ACVR1C: variants seen among roughly 807,000 people sequenced by gnomAD.
ACVR1C encodes the protein activin A receptor type 1C, also known as activin receptor type-1C.
In ACVR1C, 23 loss-of-function variants were observed where a neutral mutation model predicts 57.9. That is an observed-to-expected ratio of 0.40 (90% CI 0.29 to 0.56). The LOEUF (loss-of-function observed/expected upper bound fraction) is 0.56. Ranked by LOEUF, ACVR1C falls within the 20% of genes least tolerant of loss-of-function variation. The pLI is 0.50. For synonymous variants in ACVR1C, 214 were observed against 215.3 expected (o/e 0.99, Z 0.05); for missense variants, 480 against 607.9 (o/e 0.79, Z 2.21).
chr2:157,610,327 G>A (rs1474048875), intron 1 of ACVR1C, among the ~76,000 whole-genome samples: 3 of 152,000 alleles, frequency 2.0e-5, no homozygotes, highest in African/African-American at 7.2e-5. Flanking sequence ...TAGTTTTCTT[G>A]TGTATCAATT....
At chr2:157,541,596 T>C (rs954082247) in intron 6 of ACVR1C, among the ~76,000 whole-genome samples, 1 of 152,208 alleles carries the variant, frequency 6.6e-6, no homozygotes, top group Non-Finnish European at 1.5e-5. Flanking sequence ...TTAGATCCCC[T>C]GAAGGAATCC....
chr2:157,556,054 T>G, intron 3 of ACVR1C, 39 bp downstream of exon 3: 1 of 1,575,744 alleles, frequency 6.3e-7, no homozygotes. Flanking sequence ...TAAATAAAAG[T>G]GTTTTCTTAT....
chr2:157,599,532 A>C (rs1328154104), intron 1 of ACVR1C, among the ~76,000 whole-genome samples: 2 of 152,028 alleles, frequency 1.3e-5, no homozygotes, highest in African/African-American at 4.8e-5. Context: ...CAATGCCTCC[A>C]TCAGTACTGG....
At chr2:157,563,962 AAC>A (rs1331945260) in intron 2 of ACVR1C, among the ~76,000 whole-genome samples, 5 of 152,266 alleles carry the variant, frequency 3.3e-5, no homozygotes, top group Non-Finnish European at 7.3e-5. Context: ...TACAAAAATT[AAC>A]TCAAGATGGA....
chr2:157,552,905 G>A (rs111389456), intron 3 of ACVR1C, among the ~76,000 whole-genome samples: 6 of 152,250 alleles, frequency 3.9e-5, no homozygotes, highest in African/African-American at 1.4e-4. Flanking sequence ...TAACCAGGGG[G>A]TGTAGAAGGT....
At chr2:157,554,285 G>GGA (rs1558975240) in intron 3 of ACVR1C, among the ~76,000 whole-genome samples, 28 of 82,230 alleles carry the variant, frequency 3.4e-4, no homozygotes, top group South Asian at 2.9e-3. Context: ...GGAAGGAAGA[G>GGA]AGAGAGAGAG....
At chr2:157,606,962 G>A (rs1304809622) in intron 1 of ACVR1C, among the ~76,000 whole-genome samples, 2 of 151,610 alleles carry the variant, frequency 1.3e-5, no homozygotes, top group African/African-American at 2.4e-5. Context: ...ATTTAAATCT[G>A]TAATCCATCT....
intron 4 of ACVR1C, among the ~76,000 whole-genome samples, chr2:157,549,186 C>A (rs971697982): frequency 6.6e-6 from 1 of 151,988 alleles, no homozygotes; most frequent in Admixed American, 6.6e-5. Flanking sequence ...AAAACCCTGT[C>A]TCTACTAAAA....
At chr2:157,550,421 T>C in intron 3 of ACVR1C, 29 bp from the exon 4 acceptor site, 1 of 1,590,402 alleles carries the variant, frequency 6.3e-7, no homozygotes, top group Non-Finnish European at 8.6e-7. Flanking sequence ...GAATTGATAA[T>C]TAAACACAAA....
chr2:157,564,560 A>T (rs1688315313), intron 2 of ACVR1C, among the ~76,000 whole-genome samples: 2 of 152,226 alleles, frequency 1.3e-5, no homozygotes, highest in South Asian at 4.1e-4. Flanking sequence ...TTCCTCAAGG[A>T]TCTAGAACCA....
chr2:157,572,401 C>G (rs1688536268), intron 2 of ACVR1C, among the ~76,000 whole-genome samples: 1 of 151,036 alleles, frequency 6.6e-6, no homozygotes, highest in Non-Finnish European at 1.5e-5. Flanking sequence ...AAAGTCTATG[C>G]TAGCATAACT....
chr2:157,568,012 G>A (rs1180800160), intron 2 of ACVR1C, among the ~76,000 whole-genome samples: 8 of 148,050 alleles, frequency 5.4e-5, no homozygotes, highest in Admixed American at 4.8e-4. Context: ...ACTAACAGCG[G>A]ATCTCTCGGC....
intron 1 of ACVR1C, among the ~76,000 whole-genome samples, chr2:157,595,092 C>G (rs1265391512): frequency 5.9e-5 from 9 of 152,260 alleles, no homozygotes; most frequent in Non-Finnish European, 1.3e-4. Flanking sequence ...AGCTGCTAAG[C>G]TCCTCCAGTG....
chr2:157,581,465 A>G (rs1688789366), intron 2 of ACVR1C, among the ~76,000 whole-genome samples: 2 of 152,208 alleles, frequency 1.3e-5, no homozygotes. Context: ...AAACCACTGT[A>G]AGGATACACA....
chr2:157,555,753 T>C (rs1688084696), intron 3 of ACVR1C, among the ~76,000 whole-genome samples: 1 of 152,086 alleles, frequency 6.6e-6, no homozygotes, highest in African/African-American at 2.4e-5. Context: ...CATAAAACAT[T>C]ATCAACAAAG....
chr2:157,595,412 G>T (rs887330799), intron 1 of ACVR1C, among the ~76,000 whole-genome samples: 7 of 152,212 alleles, frequency 4.6e-5, no homozygotes, highest in African/African-American at 1.4e-4. Context: ...AGACTTTGCA[G>T]CCATGTAGGG....
chr2:157,544,859 C>A (rs989646217), intron 4 of ACVR1C, among the ~76,000 whole-genome samples: 3 of 152,120 alleles, frequency 2.0e-5, no homozygotes, highest in African/African-American at 7.2e-5. Context: ...TTGATTCTAA[C>A]AACTGAACAA....
intron 1 of ACVR1C, among the ~76,000 whole-genome samples, chr2:157,609,701 T>C (rs1220484980): frequency 6.6e-6 from 1 of 152,066 alleles, no homozygotes; most frequent in Non-Finnish European, 1.5e-5. Context: ...TTTAAAATTA[T>C]ATAATAACAT....
At chr2:157,606,753 A>G (rs1682406943) in intron 1 of ACVR1C, among the ~76,000 whole-genome samples, 1 of 151,586 alleles carries the variant, frequency 6.6e-6, no homozygotes, top group Admixed American at 6.6e-5. Context: ...CTTTCATTCA[A>G]CAGGTTGTCT....
Sources: allele counts gnomAD v4.1 joint callset (sites outside exome capture counted in the v4.1 genomes callset), GRCh38; gene constraint gnomAD v4.1.1; transcripts MANE v1.5; gene names NCBI Gene and HGNC (gene_info 2026-07-23, HGNC 2026-07-21).